NDUFAF6: variants seen among roughly 807,000 people sequenced by gnomAD.
The protein encoded by NDUFAF6 is NADH dehydrogenase (ubiquinone) complex I, assembly factor 6.
Under a neutral mutation model 40.8 loss-of-function variants are expected in NDUFAF6, and 45 were observed. That is an observed-to-expected ratio of 1.10 (90% CI 0.87 to 1.42). The LOEUF (loss-of-function observed/expected upper bound fraction) is 1.42, where lower values mean the gene tolerates loss of function less well. Ranked by LOEUF, NDUFAF6 falls within the 40% of genes most tolerant of loss-of-function variation. The probability of loss-of-function intolerance (pLI) is 0.00; values close to 1 mark genes in which losing one functional copy is unlikely to be tolerated. For synonymous variants in NDUFAF6, 185 were observed against 155.9 expected (o/e 1.19, Z -1.39); for missense variants, 435 against 418.5 (o/e 1.04, Z -0.34).
chr8:94,949,918 TG>T (rs965587984), intron 2 of NDUFAF6: 5 of 151,932 alleles, frequency 3.3e-5, no homozygotes, highest in African/African-American at 1.2e-4. Flanking sequence ...AGGGGGCCGC[TG>T]CTGGGCCCCA....
At position 95,057,832 on chromosome 8, in the gene NDUFAF6, GAA is replaced by G; in HGVS notation, c.900_901del (p.Lys300AsnfsTer7). The G allele has an allele frequency of 1.2e-6, 2 of 1,611,592 alleles. No individual in the cohort carries two copies. The highest frequency in any genetic ancestry group is 1.7e-6 in the Non-Finnish European group (2 of 1,178,570). On this transcript the variant is annotated frameshift_variant, in exon 9 of 9. Transcript: ENST00000396124. LOFTEE classifies it high-confidence loss of function. ...AGGTTTCTCTAGAGGACTTTCTAAAGAAAATTCAGCGAGTGGATTTTGATATA... is the reference window on the plus strand; with the variant it reads ...AGGTTTCTCTAGAGGACTTTCTAAAGAATTCAGCGAGTGGATTTTGATATA... ...QTVSLEDFLKKIQRVDFDIFH... is the reference protein window; with the variant it reads ...QTVSLEDFLKXIQRVDFDIFH...
At chr8:95,034,904 A>G (rs1446667795) in intron 2 of NDUFAF6, among the ~76,000 whole-genome samples, 1 of 147,716 alleles carries the variant, frequency 6.8e-6, no homozygotes, top group African/African-American at 2.5e-5. Context: ...TTTTAGATGG[A>G]GTTTCGCTCT....
intron 3 of NDUFAF6, among the ~76,000 whole-genome samples, chr8:95,040,042 C>T (rs1829978828): frequency 6.6e-6 from 1 of 152,126 alleles, no homozygotes; most frequent in African/African-American, 2.4e-5. Flanking sequence ...ATCATTTTTC[C>T]CTTCCAGTAT....
downstream of NDUFAF6, among the ~76,000 whole-genome samples, chr8:95,080,500 G>GT (rs1194178941): frequency 1.2e-4 from 17 of 146,148 alleles, no homozygotes; most frequent in African/African-American, 4.0e-4. Context: ...TTTTGGTAGT[G>GT]ATTTTTGGTA....
At chr8:95,014,540 AT>A (rs1370417371) in intron 2 of NDUFAF6, among the ~76,000 whole-genome samples, 1 of 152,210 alleles carries the variant, frequency 6.6e-6, no homozygotes, top group African/African-American at 2.4e-5. Context: ...GAGAAGTGAC[AT>A]CCCCATTGTC....
upstream of NDUFAF6, among the ~76,000 whole-genome samples, chr8:95,021,135 G>A (rs974457276): frequency 1.3e-5 from 2 of 152,164 alleles, no homozygotes; most frequent in South Asian, 2.1e-4. Flanking sequence ...ATCCAGACAA[G>A]CTTAGCAGTG....
chr8:95,107,621 A>C (rs1490243548), downstream of NDUFAF6, among the ~76,000 whole-genome samples: 1 of 152,164 alleles, frequency 6.6e-6, no homozygotes, highest in Non-Finnish European at 1.5e-5. Context: ...TAGAACTTAA[A>C]GTGTAATAAA....
At chr8:94,997,343 C>CACACACACACACACAGAGAG (rs1242904810) in intron 2 of NDUFAF6, among the ~76,000 whole-genome samples, 1 of 90,514 alleles carries the variant, frequency 1.1e-5, no homozygotes, top group Non-Finnish European at 2.0e-5. Flanking sequence ...CACACACACA[C>CACACACACACACACAGAGAG]AGAGAGAGAG....
intron 1 of NDUFAF6, among the ~76,000 whole-genome samples, chr8:94,960,631 C>T (rs1027139601): frequency 6.6e-6 from 1 of 152,216 alleles, no homozygotes; most frequent in African/African-American, 2.4e-5. Flanking sequence ...TTCACATCTT[C>T]TTACCAACCT....
upstream of NDUFAF6, among the ~76,000 whole-genome samples, chr8:94,953,449 C>T (rs968220903): frequency 6.6e-6 from 1 of 152,158 alleles, no homozygotes; most frequent in Non-Finnish European, 1.5e-5. Context: ...TCATACACCA[C>T]CCTAGCTCCA....
At chr8:94,994,792 A>C (rs898998704) in intron 2 of NDUFAF6, among the ~76,000 whole-genome samples, 1 of 152,164 alleles carries the variant, frequency 6.6e-6, no homozygotes, top group South Asian at 2.1e-4. Flanking sequence ...ATCATATGCC[A>C]TTGCACTCTA....
intron 1 of NDUFAF6, among the ~76,000 whole-genome samples, chr8:94,901,133 A>G (rs1333725022): frequency 6.6e-6 from 1 of 152,210 alleles, no homozygotes; most frequent in African/African-American, 2.4e-5. Flanking sequence ...ATAGGAAGGA[A>G]GAACATCCTA....
intron 3 of NDUFAF6, among the ~76,000 whole-genome samples, chr8:95,037,828 A>AG (rs1563814154): frequency 1.3e-5 from 2 of 152,216 alleles, no homozygotes; most frequent in African/African-American, 4.8e-5. Flanking sequence ...AGAAAAAAAA[A>AG]CATTTTAAAA....
At chr8:94,957,107 GGTTGCAGT>G (rs1823151411), upstream of NDUFAF6, among the ~76,000 whole-genome samples, 1 of 152,016 alleles carries the variant, frequency 6.6e-6, no homozygotes, top group South Asian at 2.1e-4. Flanking sequence ...GGGAGGCGGG[GGTTGCAGT>G]GAGCTAAGAT....
chr8:94,949,371 C>A (rs533678578), intron 2 of NDUFAF6: 1 of 150,870 alleles, frequency 6.6e-6, no homozygotes, highest in Non-Finnish European at 1.5e-5. Context: ...TTGTGCAGCG[C>A]TCGCAACAGC....
chr8:94,935,128 T>TATATATAGATAGATAGATAG (rs1554630990), intron 1 of NDUFAF6, among the ~76,000 whole-genome samples: 1 of 144,640 alleles, frequency 6.9e-6, no homozygotes, highest in Non-Finnish European at 1.5e-5. Context: ...GGTAGATAGA[T>TATATATAGATAGATAGATAG]ATAGATAGAT....
downstream of NDUFAF6, among the ~76,000 whole-genome samples, chr8:95,062,528 G>C (rs1832597536): frequency 2.0e-5 from 3 of 152,184 alleles, no homozygotes; most frequent in African/African-American, 7.2e-5. Flanking sequence ...ATTGGCCACA[G>C]GTCCAGGCAT....
intron 3 of NDUFAF6, among the ~76,000 whole-genome samples, chr8:95,038,659 T>C (rs1484943051): frequency 6.6e-6 from 1 of 152,090 alleles, no homozygotes; most frequent in Non-Finnish European, 1.5e-5. Context: ...GTCTTTACCA[T>C]GCCTGGCCTC....
chr8:94,900,053 C>T (rs1027456251), intron 1 of NDUFAF6, among the ~76,000 whole-genome samples: 1 of 152,172 alleles, frequency 6.6e-6, no homozygotes, highest in Non-Finnish European at 1.5e-5. Flanking sequence ...CAAACACTGC[C>T]TTTTCTAGAA....
Sources: allele counts gnomAD v4.1 joint callset (sites outside exome capture counted in the v4.1 genomes callset), GRCh38; gene constraint gnomAD v4.1.1; transcripts MANE v1.5; gene names NCBI Gene and HGNC (gene_info 2026-07-23, HGNC 2026-07-21).